Variants in JAK2 observed in about 807,000 individuals in gnomAD.
The protein encoded by JAK2 is Janus kinase 2, also known as tyrosine-protein kinase JAK2.
JAK2 carries 86 observed loss-of-function variants against 139.3 expected under a neutral mutation model. The observed-to-expected ratio is 0.62, with a 90% CI of 0.52 to 0.74. The LOEUF is 0.74. JAK2 is among the 30% of genes least tolerant of loss of function. The probability of loss-of-function intolerance (pLI) is 0.00; values close to 1 mark genes in which losing one functional copy is unlikely to be tolerated. For synonymous variants in JAK2, 490 were observed against 437.7 expected (o/e 1.12, Z -1.49); for missense variants, 1,421 against 1,360.3 (o/e 1.04, Z -0.70).
intron 4 of JAK2, chr9:5,041,758 A>T (rs1433694269): frequency 4.1e-6 from 2 of 489,706 alleles, no homozygotes; most frequent in African/African-American, 3.9e-5. Context: ...AGCAGTGTCC[A>T]CACCGACCTG....
At chr9:5,021,657 T>C (rs993980560) in intron 2 of JAK2, among the ~76,000 whole-genome samples, 1 of 152,204 alleles carries the variant, frequency 6.6e-6, no homozygotes, top group African/African-American at 2.4e-5. Flanking sequence ...GACAGGGTCT[T>C]GCTGTGTCAC....
At chr9:5,051,964 A>G (rs1363145965) in intron 6 of JAK2, among the ~76,000 whole-genome samples, 1 of 152,082 alleles carries the variant, frequency 6.6e-6, no homozygotes, top group Non-Finnish European at 1.5e-5. Context: ...CCAAAGCCCA[A>G]AGGAAAAAAA....
chr9:5,068,174 CAAA>C (rs34519862), intron 10 of JAK2, among the ~76,000 whole-genome samples: 22 of 136,238 alleles, frequency 1.6e-4, no homozygotes, highest in Admixed American at 2.9e-4. Context: ...AAAACAACAA[CAAA>C]AAAAAAAAAA....
intron 2 of JAK2, among the ~76,000 whole-genome samples, chr9:4,990,750 C>A (rs1400157902): frequency 6.6e-6 from 1 of 152,074 alleles, no homozygotes; most frequent in African/African-American, 2.4e-5. Flanking sequence ...AATAAGAAAT[C>A]TATAAAAACA....
chr9:5,114,331 A>C, intron 22 of JAK2: 2 of 537,368 alleles, frequency 3.7e-6, no homozygotes, highest in East Asian at 4.5e-5. Flanking sequence ...TCTGTGGCTC[A>C]GGTCATCCTA....
At chr9:5,040,647 C>T (rs1166068610) in intron 4 of JAK2, among the ~76,000 whole-genome samples, 3 of 152,226 alleles carry the variant, frequency 2.0e-5, no homozygotes, top group Non-Finnish European at 4.4e-5. Flanking sequence ...AAAAAGTAGG[C>T]AAGGGACTTG....
At chr9:5,064,514 A>T (rs1172200116) in intron 8 of JAK2, among the ~76,000 whole-genome samples, 1 of 151,230 alleles carries the variant, frequency 6.6e-6, no homozygotes, top group East Asian at 1.9e-4. Context: ...TGGGCGATGG[A>T]GCAAGACTCT....
chr9:5,060,733 A>C (rs1198386483), intron 8 of JAK2, among the ~76,000 whole-genome samples: 1 of 152,206 alleles, frequency 6.6e-6, no homozygotes, highest in African/African-American at 2.4e-5. Flanking sequence ...GATAATGTTA[A>C]CACTTTGACC....
intron 22 of JAK2, chr9:5,110,402 G>C (rs535353318): frequency 6.6e-6 from 1 of 152,212 alleles, no homozygotes; most frequent in Non-Finnish European, 1.5e-5. Flanking sequence ...TGGGCCTTAC[G>C]ATAGTCACAA....
At chr9:5,094,669 TAACAG>T (rs1448196974) in intron 22 of JAK2, 1 of 152,182 alleles carries the variant, frequency 6.6e-6, no homozygotes, top group African/African-American at 2.4e-5. Flanking sequence ...CCTTTTGACT[TAACAG>T]AAAGAGAATC....
At chr9:5,001,121 T>G (rs956362526) in intron 2 of JAK2, among the ~76,000 whole-genome samples, 4 of 152,226 alleles carry the variant, frequency 2.6e-5, no homozygotes, top group Non-Finnish European at 4.4e-5. Flanking sequence ...TCAGCATTTT[T>G]GATAAATACA....
rs556366649 is a variant in JAK2 at position 5,102,494 on chromosome 9, C to G, written c.3059+11583C>G. On this transcript the variant is annotated intron_variant, in intron 22 of 24. Coordinates refer to ENST00000381652, the MANE Select transcript of JAK2 (RefSeq NM_004972.4). ...CAGGATATTATCCAGGAGAACTTCCCCGACCTACCAAGGCAGGCCAACATT... is the reference window on the plus strand; with the variant it reads ...CAGGATATTATCCAGGAGAACTTCCGCGACCTACCAAGGCAGGCCAACATT... Among the ~76,000 whole-genome samples the G allele has an allele frequency of 2.0e-5, 3 of 152,254 alleles. No homozygotes were observed. The East Asian group carries it at 5.8e-4, about 29-fold the overall frequency.
intron 22 of JAK2, chr9:5,097,051 C>T (rs1295996681): frequency 6.6e-6 from 1 of 152,122 alleles, no homozygotes; most frequent in African/African-American, 2.4e-5. Flanking sequence ...AACAGTTTAT[C>T]CCCCTTTAGC....
At chr9:5,021,008 A>G (rs142001337) in intron 2 of JAK2, among the ~76,000 whole-genome samples, 8 of 152,154 alleles carry the variant, frequency 5.3e-5, no homozygotes, top group South Asian at 2.1e-4. Flanking sequence ...GCAGCTCCCT[A>G]TGTTACTCCC....
At chr9:5,025,157 T>C (rs1028002268) in intron 3 of JAK2, among the ~76,000 whole-genome samples, 2 of 151,376 alleles carry the variant, frequency 1.3e-5, no homozygotes, top group African/African-American at 4.9e-5. Flanking sequence ...TTCCTGTTTC[T>C]GGGAGAAGGA....
chr9:5,070,816 G>A (rs1245484571), intron 12 of JAK2, among the ~76,000 whole-genome samples: 1 of 152,094 alleles, frequency 6.6e-6, no homozygotes, highest in Non-Finnish European at 1.5e-5. Context: ...CAGTCAGGTG[G>A]TGAGGGTTGA....
intron 19 of JAK2, chr9:5,085,600 G>A (rs1813126562): frequency 1.4e-6 from 1 of 697,102 alleles, no homozygotes; most frequent in Admixed American, 2.0e-5. Flanking sequence ...AGATACTACA[G>A]AAAGAATTAA....
chr9:5,086,003 C>G (rs1259189860), intron 19 of JAK2: 1 of 839,390 alleles, frequency 1.2e-6, no homozygotes. Flanking sequence ...TGTGATGAAA[C>G]TGTGATATAC....
intron 23 of JAK2, among the ~76,000 whole-genome samples, chr9:5,124,166 T>A (rs1391215229): frequency 6.6e-6 from 1 of 151,956 alleles, no homozygotes; most frequent in Non-Finnish European, 1.5e-5. Context: ...GGTTTTCTGT[T>A]CATTCTGTTG....
Sources: allele counts gnomAD v4.1 joint callset (sites outside exome capture counted in the v4.1 genomes callset), GRCh38; gene constraint gnomAD v4.1.1; transcripts MANE v1.5; gene names NCBI Gene and HGNC (gene_info 2026-07-23, HGNC 2026-07-21).